The following CTNNA2 variants were observed in gnomAD, a reference collection of about 807,000 sequenced individuals.
CTNNA2 encodes catenin alpha 2, also known as catenin alpha-2.
A neutral mutation model predicts 101.0 loss-of-function variants in CTNNA2; 42 were observed. The ratio of observed to expected loss-of-function variants is 0.42; its 90% CI spans 0.32 to 0.54. The LOEUF is 0.54. Ranked by LOEUF, CTNNA2 falls within the 20% of genes least tolerant of loss-of-function variation. The pLI, the probability that CTNNA2 is intolerant of heterozygous loss-of-function variation, is 0.14. For synonymous variants in CTNNA2, 450 were observed against 456.4 expected, an observed-to-expected ratio of 0.99 and a Z score of 0.18; for missense variants, 871 against 1,223.1, an observed-to-expected ratio of 0.71 and a Z score of 4.29.
chr2:79,189,929 A>C (rs935452384), intron 1 of CTNNA2, among the ~76,000 whole-genome samples: 1 of 152,170 alleles, frequency 6.6e-6, no homozygotes, highest in African/African-American at 2.4e-5. Flanking sequence ...GGAGGACAAG[A>C]CTTAGAGTCA....
intron 9 of CTNNA2, among the ~76,000 whole-genome samples, chr2:80,543,631 A>G (rs930730994): frequency 6.6e-6 from 1 of 152,196 alleles, no homozygotes; most frequent in African/African-American, 2.4e-5. Context: ...GGAAGCAGCA[A>G]TCTAAAATGT....
At chr2:79,487,892 A>G (rs946347705) in intron 4 of CTNNA2, among the ~76,000 whole-genome samples, 3 of 152,222 alleles carry the variant, frequency 2.0e-5, no homozygotes, top group African/African-American at 7.2e-5. Context: ...TTAAGTAAAT[A>G]ATAAATTGGA....
In CTNNA2 at chr2:79,488,525, A is replaced by C. The variant is rs78846762; in HGVS notation, c.-134-16529A>C. Among the ~76,000 whole-genome samples the C allele has an allele frequency of 0.011, 1,695 of 152,192 alleles. 78 individuals are homozygous for C. In the East Asian group the frequency reaches 0.13, roughly 12 times the overall value. ...CAACATAGGTGGACACTGGGCATAA[A>C]CTACCAAAATCAACTCATTTAACTG... On this transcript the variant is annotated intron_variant, in intron 4 of 21. Coordinates refer to the CTNNA2 transcript ENST00000466387.
intron 1 of CTNNA2, among the ~76,000 whole-genome samples, chr2:79,634,273 A>G (rs1558788385): frequency 6.6e-6 from 1 of 151,938 alleles, no homozygotes; most frequent in Non-Finnish European, 1.5e-5. Context: ...TCAAGTTCTG[A>G]TTTTTTTTCC....
chr2:80,613,636 A>T (rs980637162), intron 17 of CTNNA2, among the ~76,000 whole-genome samples: 1 of 151,412 alleles, frequency 6.6e-6, no homozygotes, highest in African/African-American at 2.4e-5. Context: ...CATTAAAAAA[A>T]ATCAGTTATT....
chr2:80,636,444 G>T (rs936372773), intron 18 of CTNNA2, among the ~76,000 whole-genome samples: 2 of 152,120 alleles, frequency 1.3e-5, no homozygotes, highest in Non-Finnish European at 2.9e-5. Context: ...AGCTTTGGGA[G>T]ATTTGGCCTT....
intron 7 of CTNNA2, among the ~76,000 whole-genome samples, chr2:80,185,222 C>T (rs1470347612): frequency 6.6e-6 from 1 of 152,112 alleles, no homozygotes; most frequent in African/African-American, 2.4e-5. Flanking sequence ...GGCTGTTGGC[C>T]AGAAGTCACC....
chr2:79,248,842 A>C (rs1674731355), intron 2 of CTNNA2, among the ~76,000 whole-genome samples: 2 of 152,318 alleles, frequency 1.3e-5, no homozygotes, highest in African/African-American at 2.4e-5. Context: ...TGAATGAGAC[A>C]CTTAACCCCA....
intron 7 of CTNNA2, among the ~76,000 whole-genome samples, chr2:80,110,207 T>C (rs1040363560): frequency 2.6e-5 from 4 of 152,176 alleles, no homozygotes; most frequent in Non-Finnish European, 5.9e-5. Flanking sequence ...TGTTCTTCTC[T>C]ACAGGGCACA....
Position 79,865,647 on chromosome 2 carries a change from A to G in CTNNA2, c.466-4169A>G, listed in dbSNP as rs113011219. On this transcript the variant is annotated intron_variant, in intron 4 of 18. Coordinates refer to ENST00000402739, the MANE Select transcript of CTNNA2 (RefSeq NM_001282597.3). ...CTCAATTCCACACTATCCCATCCCC[A>G]GATGCCGACCTTATGGTAGACTCTG... 5.4e-3 allele frequency among the ~76,000 whole-genome samples: 818 copies of G among 152,342 alleles called. 5 individuals are homozygous for G. The highest frequency in any genetic ancestry group is 0.019 in the African/African-American group (770 of 41,584).
intron 7 of CTNNA2, among the ~76,000 whole-genome samples, chr2:79,979,614 T>C (rs1038326752): frequency 1.3e-5 from 2 of 152,148 alleles, no homozygotes; most frequent in Non-Finnish European, 1.5e-5. Flanking sequence ...TGTTTGTTAA[T>C]TTATTTATAC....
chr2:80,375,301 A>G (rs1675836455), intron 7 of CTNNA2, among the ~76,000 whole-genome samples: 1 of 152,040 alleles, frequency 6.6e-6, no homozygotes, highest in African/African-American at 2.4e-5. Flanking sequence ...AGGGATTTCT[A>G]TGGAGCTCTC....
At chr2:80,633,746 G>A (rs1264054503) in intron 18 of CTNNA2, among the ~76,000 whole-genome samples, 3 of 152,150 alleles carry the variant, frequency 2.0e-5, no homozygotes, top group Admixed American at 6.6e-5. Context: ...ATGTTATGAA[G>A]ATTAATTTAT....
chr2:79,260,413 C>G (rs1349914729), intron 2 of CTNNA2, among the ~76,000 whole-genome samples: 1 of 152,106 alleles, frequency 6.6e-6, no homozygotes, highest in African/African-American at 2.4e-5. Context: ...GTCTCCTTAC[C>G]TCAGGAGCGT....
intron 1 of CTNNA2, among the ~76,000 whole-genome samples, chr2:79,585,190 T>C (rs1676403058): frequency 6.6e-6 from 1 of 152,002 alleles, no homozygotes; most frequent in Non-Finnish European, 1.5e-5. Context: ...AAATTTTTCT[T>C]TTCTGTATGT....
intron 7 of CTNNA2, among the ~76,000 whole-genome samples, chr2:80,104,760 A>G (rs1700778132): frequency 6.6e-6 from 1 of 152,232 alleles, no homozygotes; most frequent in Admixed American, 6.5e-5. Context: ...CTTATTTGTC[A>G]CTAAGGAGGA....
intron 3 of CTNNA2, among the ~76,000 whole-genome samples, chr2:79,803,511 C>A (rs1445352992): frequency 6.6e-6 from 1 of 152,266 alleles, no homozygotes. Context: ...CAGGGACACG[C>A]TCTTAAGGCA....
Position 80,476,476 on chromosome 2 carries a change from T to G in CTNNA2, c.1290+56875T>G, listed in dbSNP as rs1481737847. ...ATCAGTCAATTCTCAGAAAACAAAGTGACAGAAGTAACATAGCATCAAGAA... is the reference window on the plus strand; with the variant it reads ...ATCAGTCAATTCTCAGAAAACAAAGGGACAGAAGTAACATAGCATCAAGAA... On this transcript the variant is annotated intron_variant, in intron 9 of 18. Transcript: ENST00000402739. 2.0e-5 allele frequency among the ~76,000 whole-genome samples: 3 copies of G among 152,142 alleles called. No homozygotes were observed. In the East Asian group the frequency reaches 5.8e-4, roughly 29 times the overall value.
At chr2:79,572,728 G>A (rs1675536445) in intron 1 of CTNNA2, among the ~76,000 whole-genome samples, 1 of 151,926 alleles carries the variant, frequency 6.6e-6, no homozygotes, top group Non-Finnish European at 1.5e-5. Context: ...TTCCAGCGTG[G>A]GTGACACACT....
Sources: allele counts gnomAD v4.1 joint callset (sites outside exome capture counted in the v4.1 genomes callset), GRCh38; gene constraint gnomAD v4.1.1; transcripts MANE v1.5; gene names NCBI Gene and HGNC (gene_info 2026-07-23, HGNC 2026-07-21).